The following MAPT variants were observed in gnomAD, a reference collection of about 807,000 sequenced individuals.
MAPT encodes the protein microtubule-associated protein tau.
MAPT carries 34 observed loss-of-function variants against 67.9 expected under a neutral mutation model. The observed-to-expected ratio is 0.50, with a 90% confidence interval of 0.38 to 0.67. MAPT has a LOEUF of 0.67. Among genes scored for constraint, MAPT ranks in the 30% least tolerant of loss-of-function variants. The pLI is 0.00. For synonymous variants in MAPT, 456 were observed against 464.5 expected (o/e 0.98, Z 0.23); for missense variants, 881 against 1,115.2 (o/e 0.79, Z 2.99).
intron 1 of MAPT, among the ~76,000 whole-genome samples, chr17:45,927,992 T>C (rs1379532073): frequency 2.0e-5 from 2 of 102,194 alleles, no homozygotes; most frequent in Admixed American, 1.5e-4. Context: ...AGAGTGAGAC[T>C]CCGTCTCAGG....
intron 1 of MAPT, among the ~76,000 whole-genome samples, chr17:45,902,292 A>G (rs1246049563): frequency 1.3e-5 from 2 of 152,080 alleles, no homozygotes; most frequent in Non-Finnish European, 2.9e-5. Flanking sequence ...GCTGGTCCCG[A>G]ACTTCTGACC....
intron 2 of MAPT, among the ~76,000 whole-genome samples, chr17:45,970,047 C>CCCAT (rs369221637): frequency 1.4e-5 from 2 of 145,610 alleles, no homozygotes; most frequent in South Asian, 2.2e-4. Context: ...CATCTATCCA[C>CCCAT]CCATCCATCC....
chr17:45,985,211 A>G (rs978416297), intron 5 of MAPT, among the ~76,000 whole-genome samples: 2 of 152,186 alleles, frequency 1.3e-5, no homozygotes, highest in Non-Finnish European at 2.9e-5. Flanking sequence ...AGGCTGAAGC[A>G]GGATAAGTGC....
intron 8 of MAPT, among the ~76,000 whole-genome samples, chr17:45,994,919 A>G: frequency 6.6e-6 from 1 of 152,008 alleles, no homozygotes; most frequent in East Asian, 1.9e-4. Context: ...GTGGTGCTGC[A>G]CACCTGTAAT....
In MAPT at chr17:45,915,566, A is replaced by C. The variant is rs573073657; in HGVS notation, c.-18+20880A>C. 1.5e-5 allele frequency among the ~76,000 whole-genome samples: 2 copies of C among 133,150 alleles called. No homozygotes were observed. Among genetic ancestry groups the C allele is most frequent in the Non-Finnish European group, 3.5e-5 (2 of 56,712 alleles). 87.4% of individuals were successfully genotyped at this position (133,150 alleles called of 152,430 possible). On this transcript the variant is annotated intron_variant, in intron 1 of 12. Coordinates refer to ENST00000262410, the MANE Select transcript of MAPT (RefSeq NM_001377265.1). The surrounding 1 kb of genome is among the most constrained non-coding windows in gnomAD (Gnocchi z 4.4). ...AGCATGTGTGTTGTGTGTGTGGTGCATGTGTGTGGCGTGTGAGCGTGTGTG... is the reference window on the plus strand; with the variant it reads ...AGCATGTGTGTTGTGTGTGTGGTGCCTGTGTGTGGCGTGTGAGCGTGTGTG...
chr17:46,016,648 G>A, intron 11 of MAPT, among the ~76,000 whole-genome samples: 1 of 152,128 alleles, frequency 6.6e-6, no homozygotes, highest in South Asian at 2.1e-4. Flanking sequence ...GCAGGCACCT[G>A]TAGTCCCAAC....
chr17:45,995,103 G>A lies in MAPT; in HGVS notation c.1733-1296G>A, dbSNP rs1027678263. ...AACAAAAGAAAACTAGTGCTTATTC[G>A]TCACTGGCCAAGCTGCCCATTGGCT... is the stretch of plus-strand genomic sequence containing the variant. On this transcript the variant is annotated intron_variant, in intron 8 of 12. Coordinates refer to ENST00000262410, the MANE Select transcript of MAPT (RefSeq NM_001377265.1). The surrounding 1 kb of genome is among the most constrained non-coding windows in gnomAD (Gnocchi z 4.3). Among the ~76,000 whole-genome samples, 1 of 152,044 alleles carries A rather than the reference G, an allele frequency of 6.6e-6. No individual in the cohort carries two copies. Among genetic ancestry groups the A allele is most frequent in the Non-Finnish European group, 1.5e-5 (1 of 68,002 alleles).
intron 9 of MAPT, among the ~76,000 whole-genome samples, chr17:45,998,739 G>A (rs2074726949): frequency 6.6e-6 from 1 of 152,032 alleles, no homozygotes; most frequent in South Asian, 2.1e-4. Flanking sequence ...AAACTGTCCT[G>A]CGCTTCCACT....
rs554891694 is a variant in MAPT, at chr17:45,933,098, A to C, written c.-17-29223A>C. Among the ~76,000 whole-genome samples the C allele has an allele frequency of 2.2e-3, 251 of 112,986 alleles. 2 individuals are homozygous for C. The highest frequency in any genetic ancestry group is 0.022 in the Middle Eastern group (4 of 182). The allele number at this position is 112,986 out of a possible 152,430, so 74.1% of individuals were successfully genotyped here. A position where few individuals can be genotyped will look rare whatever the true frequency, so the allele number is the denominator to read the frequency against. ...ACTCTGTTTCAAACAAACAAACAAA[A>C]AAAAAAACCTCTTGGACCAGGAAAA... On this transcript the variant is annotated intron_variant, in intron 1 of 12. Transcript: ENST00000262410.
intron 1 of MAPT, among the ~76,000 whole-genome samples, chr17:45,956,532 A>C (rs2069670591): frequency 6.9e-6 from 1 of 143,900 alleles, no homozygotes; most frequent in African/African-American, 2.6e-5. Flanking sequence ...CTCATCTGGA[A>C]CTCTAGCAGG....
At chr17:46,022,817 T>C (rs1439003849) in intron 12 of MAPT, among the ~76,000 whole-genome samples, 2 of 152,150 alleles carry the variant, frequency 1.3e-5, no homozygotes, top group African/African-American at 4.8e-5. Flanking sequence ...GTAGTCCCAG[T>C]TGCTCTGGAG....
intron 9 of MAPT, chr17:45,999,152 C>T: frequency 7.1e-7 from 1 of 1,416,808 alleles, no homozygotes; most frequent in East Asian, 2.5e-5. Context: ...TATCTCTTCC[C>T]TTCCCTTAAA....
intron 6 of MAPT, among the ~76,000 whole-genome samples, chr17:45,989,053 C>T (rs1261572469): frequency 2.0e-5 from 3 of 151,994 alleles, no homozygotes; most frequent in Admixed American, 6.6e-5. Context: ...GGGGGGGGCA[C>T]ACTCCTGATT....
chr17:46,023,251 G>T (rs1010770336), intron 12 of MAPT, among the ~76,000 whole-genome samples: 1 of 152,194 alleles, frequency 6.6e-6, no homozygotes. Context: ...TGTTCATACG[G>T]GTTTATTTAT....
At chr17:45,945,465 AC>A (rs35229255) in intron 1 of MAPT, among the ~76,000 whole-genome samples, 9 of 151,956 alleles carry the variant, frequency 5.9e-5, no homozygotes, top group African/African-American at 1.9e-4. Flanking sequence ...GAAGGTAGGG[AC>A]CCCCTCTCAA....
chr17:45,974,791 C>G (rs1469154944), intron 3 of MAPT: 3 of 389,632 alleles, frequency 7.7e-6, no homozygotes, highest in Admixed American at 7.5e-5. Flanking sequence ...AGACCCGTGC[C>G]TTCTTGACAC....
Position 45,996,757 on chromosome 17 carries a change from G to A in MAPT, c.1998+93G>A, listed in dbSNP as rs1021162554. 44 of 1,529,972 alleles carry A rather than the reference G, an allele frequency of 2.9e-5. No homozygotes were observed. Among genetic ancestry groups the A allele is most frequent in the South Asian group, 8.7e-5 (7 of 80,346 alleles). 94.8% of individuals were successfully genotyped at this position (1,529,972 alleles called of 1,614,324 possible). A position where few individuals can be genotyped will look rare whatever the true frequency, so the allele number is the denominator to read the frequency against. On this transcript the variant is annotated intron_variant, in intron 9 of 12. Transcript: ENST00000262410. The surrounding 1 kb of genome is among the most constrained non-coding windows in gnomAD (Gnocchi z 4.5). ...AGGGTAGGGCTGCGCCTGGAGGTGC[G>A]CGGTTGAGCGTGGAGTCGTGGGACT...
At chr17:45,904,003 A>AT (rs1352021712) in intron 1 of MAPT, among the ~76,000 whole-genome samples, 2,159 of 24,488 alleles carry the variant, frequency 0.088, 293 homozygotes, top group African/African-American at 0.1. Context: ...TATATTATAT[A>AT]TTATATATAT....
At chr17:45,935,771 C>T (rs2067265238) in intron 1 of MAPT, among the ~76,000 whole-genome samples, 4 of 152,126 alleles carry the variant, frequency 2.6e-5, no homozygotes, top group Admixed American at 6.5e-5. Flanking sequence ...ACAGAGGAGG[C>T]TGTTTCATCC....
Sources: allele counts gnomAD v4.1 joint callset (sites outside exome capture counted in the v4.1 genomes callset), GRCh38; gene constraint gnomAD v4.1.1; non-coding constraint Gnocchi (gnomAD v3.1); transcripts MANE v1.5; gene names NCBI Gene and HGNC (gene_info 2026-07-23, HGNC 2026-07-21).